NAALADL2: variants seen among roughly 807,000 people sequenced by gnomAD.
NAALADL2 encodes inactive N-acetylated-alpha-linked acidic dipeptidase-like protein 2.
In NAALADL2, 76 loss-of-function variants were observed where a neutral mutation model predicts 87.2. The observed-to-expected ratio is 0.87, with a 90% confidence interval of 0.72 to 1.05. NAALADL2 has a LOEUF of 1.05. Ranked by LOEUF, NAALADL2 falls within the 50% of genes least tolerant of loss-of-function variation. NAALADL2 has a pLI of 0.00. For missense variants in NAALADL2, 1,089 were observed against 945.8 expected, an observed-to-expected ratio of 1.15 and a Z score of -1.99; for synonymous variants, 354 against 331.0, an observed-to-expected ratio of 1.07 and a Z score of -0.75.
chr3:175,413,324 C>A (rs546141411), intron 5 of NAALADL2, among the ~76,000 whole-genome samples: 1 of 151,022 alleles, frequency 6.6e-6, no homozygotes, highest in Admixed American at 6.6e-5. Flanking sequence ...GTAATCCCAG[C>A]CTTTTGGGAG....
intron 2 of NAALADL2, among the ~76,000 whole-genome samples, chr3:174,615,678 G>A (rs576290020): frequency 3.2e-4 from 49 of 151,638 alleles, no homozygotes; most frequent in Non-Finnish European, 5.5e-4. Context: ...TTTTTCTCTC[G>A]CTCTCCCTCT....
At chr3:174,989,067 G>A (rs559752719) in intron 1 of NAALADL2, among the ~76,000 whole-genome samples, 92 of 152,246 alleles carry the variant, frequency 6.0e-4, no homozygotes, top group African/African-American at 2.1e-3. Context: ...GAGAGAGAGG[G>A]AAGGGAGATA....
chr3:174,563,515 A>G (rs1560057938), intron 2 of NAALADL2, among the ~76,000 whole-genome samples: 1 of 151,804 alleles, frequency 6.6e-6, no homozygotes. Context: ...AGAGGCACCT[A>G]GATAAAACTT....
intron 3 of NAALADL2, among the ~76,000 whole-genome samples, chr3:175,239,235 A>G (rs529877811): frequency 1.9e-4 from 29 of 152,244 alleles, no homozygotes; most frequent in Non-Finnish European, 4.1e-4. Flanking sequence ...TGCAAAATAC[A>G]TATTAAAATG....
intron 1 of NAALADL2, among the ~76,000 whole-genome samples, chr3:174,896,108 C>A (rs1731496634): frequency 6.6e-6 from 1 of 152,008 alleles, no homozygotes; most frequent in African/African-American, 2.4e-5. Context: ...AACCTTTCCA[C>A]TAAAACCGGA....
At chr3:174,508,062 C>T (rs966850546) in intron 1 of NAALADL2, among the ~76,000 whole-genome samples, 18 of 149,944 alleles carry the variant, frequency 1.2e-4, no homozygotes, top group African/African-American at 3.9e-4. Context: ...CACATGCTTG[C>T]CAACACTTAG....
At position 174,533,560 on chromosome 3, in the gene NAALADL2, A is replaced by G. The variant is rs189927065; in HGVS notation, c.-183-17009A>G. Among the ~76,000 whole-genome samples the G allele has an allele frequency of 4.7e-4, 71 of 152,172 alleles. No homozygotes were observed. In the East Asian group the frequency reaches 9.9e-3, roughly 21 times the overall value. ...TATTTCTGAAATTATTCTTATTGTT[A>G]AATAAACAATACAGGAACCACAGAG... On this transcript the variant is annotated intron_variant, in intron 1 of 3. Coordinates refer to the NAALADL2 transcript ENST00000434257.
chr3:174,866,131 A>C (rs1360232006), intron 1 of NAALADL2, among the ~76,000 whole-genome samples: 1 of 151,938 alleles, frequency 6.6e-6, no homozygotes, highest in Non-Finnish European at 1.5e-5. Context: ...CCAGTCATTC[A>C]ACAGATGCAT....
intron 1 of NAALADL2, among the ~76,000 whole-genome samples, chr3:174,872,066 G>A (rs1298974159): frequency 3.3e-5 from 5 of 152,066 alleles, no homozygotes; most frequent in South Asian, 4.2e-4. Flanking sequence ...TATATGAAAC[G>A]GTGAACATTG....
At chr3:175,326,558 A>G (rs6792928) in intron 5 of NAALADL2, among the ~76,000 whole-genome samples, 5,507 of 152,148 alleles carry the variant, frequency 0.036, 333 homozygotes, top group African/African-American at 0.13. Context: ...TTCTTACTCC[A>G]TTTTGTGTTG....
intron 1 of NAALADL2, 78 bp from the exon 2 acceptor site, chr3:175,096,712 T>A: frequency 1.1e-6 from 1 of 893,090 alleles, no homozygotes; most frequent in Non-Finnish European, 1.6e-6. Context: ...CAATATGGCT[T>A]ACTGTTTTGT....
chr3:174,988,382 T>C (rs1057497231), intron 1 of NAALADL2, among the ~76,000 whole-genome samples: 6 of 152,220 alleles, frequency 3.9e-5, no homozygotes, highest in Admixed American at 3.9e-4. Flanking sequence ...CAAATAGTGT[T>C]TCATAATCCT....
intron 2 of NAALADL2, among the ~76,000 whole-genome samples, chr3:174,589,566 G>A (rs962382874): frequency 3.3e-5 from 5 of 152,132 alleles, no homozygotes; most frequent in African/African-American, 9.7e-5. Context: ...TGCCATTTAT[G>A]GTCACACCAA....
At chr3:174,892,585 AAG>A (rs1345432456) in intron 1 of NAALADL2, among the ~76,000 whole-genome samples, 1 of 152,188 alleles carries the variant, frequency 6.6e-6, no homozygotes, top group Non-Finnish European at 1.5e-5. Flanking sequence ...TCAGAGGAAT[AAG>A]AGAACTTCTG....
At chr3:175,385,325 C>G (rs1391223342) in intron 5 of NAALADL2, among the ~76,000 whole-genome samples, 3 of 152,042 alleles carry the variant, frequency 2.0e-5, no homozygotes, top group Non-Finnish European at 4.4e-5. Context: ...TTAAAGGAAG[C>G]CTTCAATAAT....
rs553923028 is a variant in NAALADL2 at position 175,570,879 on chromosome 3, C to CAAA, written c.1654-5145_1654-5143dup. On this transcript the variant is annotated intron_variant, in intron 9 of 13. Transcript: ENST00000454872. The stretch of plus-strand genomic sequence containing the variant: ...TGGGTGACATAGTGAGACTCCATCT[C>CAAA]AAAAAAAAAAAAAAAAAAAGTGACT... 5.5e-4 allele frequency among the ~76,000 whole-genome samples: 43 copies of CAAA among 77,852 alleles called. 2 individuals are homozygous for CAAA. Among genetic ancestry groups the CAAA allele is most frequent in the African/African-American group, 1.6e-3 (36 of 23,056 alleles). The allele number at this position is 77,852 out of a possible 152,430, so 51.1% of individuals were successfully genotyped here.
At chr3:175,212,612 C>T (rs554551594) in intron 2 of NAALADL2, among the ~76,000 whole-genome samples, 1 of 151,418 alleles carries the variant, frequency 6.6e-6, no homozygotes, top group South Asian at 2.1e-4. Context: ...TTCTTCCTTT[C>T]TTCCTCCTTT....
At chr3:174,718,556 G>T (rs1731420038) in intron 2 of NAALADL2, among the ~76,000 whole-genome samples, 1 of 152,140 alleles carries the variant, frequency 6.6e-6, no homozygotes, top group African/African-American at 2.4e-5. Flanking sequence ...AAAAGTAGAA[G>T]AAAATAACCT....
intron 2 of NAALADL2, among the ~76,000 whole-genome samples, chr3:175,103,968 A>C (rs745556211): frequency 1.4e-4 from 21 of 152,116 alleles, no homozygotes; most frequent in Non-Finnish European, 2.8e-4. Context: ...ACCAGTACTA[A>C]TTTACCATCC....
Sources: allele counts gnomAD v4.1 joint callset (sites outside exome capture counted in the v4.1 genomes callset), GRCh38; gene constraint gnomAD v4.1.1; transcripts MANE v1.5; gene names NCBI Gene and HGNC (gene_info 2026-07-23, HGNC 2026-07-21).